GLRA3: variants seen among roughly 807,000 people sequenced by gnomAD.
The protein encoded by GLRA3 is glycine receptor subunit alpha-3.
GLRA3 carries 44 observed loss-of-function variants against 60.4 expected under a neutral mutation model. That is an observed-to-expected ratio of 0.73 (90% CI 0.57 to 0.94). GLRA3 has a LOEUF of 0.94. Ranked by LOEUF, GLRA3 falls within the 40% of genes least tolerant of loss-of-function variation. The pLI, the probability that GLRA3 is intolerant of heterozygous loss-of-function variation, is 0.00. For missense variants in GLRA3, 508 were observed against 564.6 expected, an observed-to-expected ratio of 0.90 and a Z score of 1.02; for synonymous variants, 223 against 192.9, an observed-to-expected ratio of 1.16 and a Z score of -1.29.
chr4:174,714,621 C>T (rs1707159616), intron 5 of GLRA3, among the ~76,000 whole-genome samples: 1 of 152,172 alleles, frequency 6.6e-6, no homozygotes, highest in African/African-American at 2.4e-5. Context: ...CACTACAAGC[C>T]TTGTCTTTGA....
intron 1 of GLRA3, among the ~76,000 whole-genome samples, chr4:174,813,224 T>A (rs1740340284): frequency 1.3e-5 from 2 of 152,228 alleles, no homozygotes; most frequent in Non-Finnish European, 2.9e-5. Flanking sequence ...AGTCATATTT[T>A]ACCTTTTACA....
At chr4:174,815,468 A>G (rs139753090) in intron 1 of GLRA3, among the ~76,000 whole-genome samples, 343 of 152,310 alleles carry the variant, frequency 2.3e-3, no homozygotes, top group Non-Finnish European at 4.4e-3. Flanking sequence ...TCCCTTCTGC[A>G]CTGCCCTAGC....
At position 174,720,693 on chromosome 4, in the gene GLRA3, A is replaced by T. The variant is rs146064365; in HGVS notation, c.492-5123T>A. On this transcript the variant is annotated intron_variant, in intron 4 of 9. Coordinates refer to ENST00000274093, the MANE Select transcript of GLRA3 (RefSeq NM_006529.4). ...GCTGATAATTTTGAGAGATGAGAAC[A>T]TCTTTCAAAGAGAAGGCTTGCTTAC... Among the ~76,000 whole-genome samples the T allele has an allele frequency of 3.0e-4, 46 of 152,328 alleles. No individual in the cohort carries two copies. In the East Asian group the frequency reaches 8.1e-3, roughly 27 times the overall value.
At chr4:174,662,989 C>T (rs927007404) in intron 7 of GLRA3, among the ~76,000 whole-genome samples, 4 of 151,952 alleles carry the variant, frequency 2.6e-5, no homozygotes, top group Non-Finnish European at 5.9e-5. Flanking sequence ...CTACAGGCGT[C>T]GGGGGAGAAA....
chr4:174,648,061 G>C (rs571728866), intron 9 of GLRA3, among the ~76,000 whole-genome samples: 1 of 152,292 alleles, frequency 6.6e-6, no homozygotes, highest in Admixed American at 6.5e-5. Context: ...GTAATGTTTG[G>C]TGTGAATGCT....
chr4:174,771,130 C>T (rs1738367744), intron 2 of GLRA3, among the ~76,000 whole-genome samples: 1 of 150,918 alleles, frequency 6.6e-6, no homozygotes, highest in Non-Finnish European at 1.5e-5. Flanking sequence ...ATACCTAATG[C>T]TAAATGACGA....
chr4:174,698,140 G>C (rs1002694221), intron 5 of GLRA3, among the ~76,000 whole-genome samples: 18 of 152,098 alleles, frequency 1.2e-4, no homozygotes, highest in African/African-American at 4.3e-4. Context: ...TTTGAATAGA[G>C]AATAGTAAGG....
At chr4:174,779,212 C>T (rs927559143) in intron 2 of GLRA3, among the ~76,000 whole-genome samples, 10 of 152,330 alleles carry the variant, frequency 6.6e-5, no homozygotes, top group East Asian at 1.9e-4. Context: ...ACACTGACAC[C>T]TCACACGGCA....
chr4:174,752,953 A>G (rs557130003), intron 3 of GLRA3, among the ~76,000 whole-genome samples: 8 of 152,166 alleles, frequency 5.3e-5, no homozygotes, highest in Non-Finnish European at 1.5e-5. Flanking sequence ...CAGTAAATCC[A>G]TGTTTCTTCA....
chr4:174,774,346 A>C (rs1738507699), intron 2 of GLRA3, among the ~76,000 whole-genome samples: 1 of 149,724 alleles, frequency 6.7e-6, no homozygotes, highest in Admixed American at 6.8e-5. Context: ...ATCGATGTGT[A>C]AATGTATGTG....
chr4:174,738,739 T>C (rs984140793), intron 3 of GLRA3, among the ~76,000 whole-genome samples: 1 of 152,234 alleles, frequency 6.6e-6, no homozygotes, highest in Non-Finnish European at 1.5e-5. Context: ...AAAAAATTAT[T>C]TGAAGTGATG....
At position 174,638,270 on chromosome 4, in the gene GLRA3, G is replaced by T. The variant is rs935622998; in HGVS notation, c.*5516C>A. 1 of 152,032 alleles carries T rather than the reference G, an allele frequency of 6.6e-6. No homozygotes were observed. The highest frequency in any genetic ancestry group is 1.9e-4 in the East Asian group (1 of 5,172). 9.4% of individuals were successfully genotyped at this position (152,032 alleles called of 1,614,324 possible). A position where few individuals can be genotyped will look rare whatever the true frequency, so the allele number is the denominator to read the frequency against. On this transcript the variant is annotated 3_prime_UTR_variant, in exon 10 of 10. Coordinates refer to ENST00000274093, the MANE Select transcript of GLRA3 (RefSeq NM_006529.4). ...GAAAGCTGAATTGAAACGCATCAAA[G>T]ATTTATTTTAAATTCTTTTTTTGTC...
chr4:174,657,510 A>G (rs775267359), intron 8 of GLRA3, among the ~76,000 whole-genome samples: 60 of 152,298 alleles, frequency 3.9e-4, no homozygotes, highest in Middle Eastern at 3.4e-3. Context: ...CTAATTAATG[A>G]TACTAGAAGG....
intron 6 of GLRA3, among the ~76,000 whole-genome samples, chr4:174,680,812 G>GTA (rs1361617418): frequency 3.9e-5 from 6 of 152,090 alleles, no homozygotes; most frequent in African/African-American, 1.4e-4. Flanking sequence ...TTTAACTTAA[G>GTA]TATATTTCAT....
intron 2 of GLRA3, among the ~76,000 whole-genome samples, chr4:174,772,584 C>T (rs6848304): frequency 0.37 from 56,391 of 151,874 alleles, 10,694 homozygotes; most frequent in East Asian, 0.53. Context: ...TAGATAGACA[C>T]ATATGCATAA....
chr4:174,683,044 CAT>C, intron 5 of GLRA3, 105 bp from the exon 6 acceptor site: 1 of 812,270 alleles, frequency 1.2e-6, no homozygotes, highest in Non-Finnish European at 2.0e-6. Flanking sequence ...CAAACAGTGT[CAT>C]CTTATAGTAA....
At chr4:174,669,010 C>A (rs927166909) in intron 7 of GLRA3, among the ~76,000 whole-genome samples, 3 of 151,966 alleles carry the variant, frequency 2.0e-5, no homozygotes, top group Admixed American at 1.3e-4. Context: ...GTGATTGAAG[C>A]CTACAGATAA....
At chr4:174,816,056 C>T (rs923637282) in intron 1 of GLRA3, among the ~76,000 whole-genome samples, 1 of 152,158 alleles carries the variant, frequency 6.6e-6, no homozygotes, top group Non-Finnish European at 1.5e-5. Flanking sequence ...CACAGCCAAA[C>T]CATATCCCTT....
intron 1 of GLRA3, among the ~76,000 whole-genome samples, chr4:174,792,980 A>G (rs945989496): frequency 6.6e-6 from 1 of 152,192 alleles, no homozygotes; most frequent in Admixed American, 6.5e-5. Context: ...TGAGCAAATT[A>G]TAATGCCACA....
Sources: gnomAD v4.1 joint callset for allele counts (sites outside exome capture counted in the v4.1 genomes callset) on GRCh38, gnomAD v4.1.1 for gene constraint, MANE v1.5 for transcripts, NCBI Gene and HGNC (gene_info 2026-07-23, HGNC 2026-07-21) for gene names.